TMTC2: variants seen among roughly 807,000 people sequenced by gnomAD.
The protein encoded by TMTC2 is transmembrane O-mannosyltransferase targeting cadherins 2.
A neutral mutation model predicts 82.4 loss-of-function variants in TMTC2; 43 were observed. The ratio of observed to expected loss-of-function variants is 0.52; its 90% CI spans 0.41 to 0.67. The LOEUF (loss-of-function observed/expected upper bound fraction) is 0.67. Ranked by LOEUF, TMTC2 falls within the 30% of genes least tolerant of loss-of-function variation. The probability of loss-of-function intolerance (pLI) is 0.00; values close to 1 mark genes in which losing one functional copy is unlikely to be tolerated. For synonymous variants in TMTC2, 408 were observed against 381.9 expected, an observed-to-expected ratio of 1.07 and a Z score of -0.80; for missense variants, 919 against 1,012.4, an observed-to-expected ratio of 0.91 and a Z score of 1.25.
At chr12:82,997,251 A>G (rs116737889) in intron 8 of TMTC2, among the ~76,000 whole-genome samples, 2,881 of 128,382 alleles carry the variant, frequency 0.022, 148 homozygotes, top group African/African-American at 0.083. Flanking sequence ...GTATAGTTAT[A>G]TACGTCTATA....
chr12:82,981,762 A>G (rs1324059490), intron 7 of TMTC2, among the ~76,000 whole-genome samples: 2 of 151,686 alleles, frequency 1.3e-5, no homozygotes, highest in Non-Finnish European at 1.5e-5. Flanking sequence ...TCCTTATTGA[A>G]TTTATTGAAC....
chr12:83,061,740 T>C lies in TMTC2; in HGVS notation c.2268-28T>C, dbSNP rs776921749. 21 of 1,545,246 alleles carry C rather than the reference T, an allele frequency of 1.4e-5. No individual in the cohort carries two copies. The South Asian group carries it at 2.1e-4, about 16-fold the overall frequency. Reference sequence around the variant, plus strand: ...ATTTGTAATTCTAAAATATATGATATAGTTTTATTTTATTTTTTCTTTTAC... The same window carrying C: ...ATTTGTAATTCTAAAATATATGATACAGTTTTATTTTATTTTTTCTTTTAC... On this transcript the variant is annotated intron_variant, in intron 10 of 11. Coordinates refer to ENST00000321196, the MANE Select transcript of TMTC2 (RefSeq NM_152588.3).
At chr12:82,959,484 C>A (rs1011242295) in intron 4 of TMTC2, among the ~76,000 whole-genome samples, 1 of 152,098 alleles carries the variant, frequency 6.6e-6, no homozygotes, top group African/African-American at 2.4e-5. Context: ...ACACATAGAC[C>A]AGTGGAACAG....
At chr12:82,726,354 C>T (rs1347168313) in intron 1 of TMTC2, among the ~76,000 whole-genome samples, 1 of 152,132 alleles carries the variant, frequency 6.6e-6, no homozygotes, top group Non-Finnish European at 1.5e-5. Flanking sequence ...AGCATACCTA[C>T]CAGATGATAA....
At chr12:83,090,789 A>G (rs1883821244) in intron 11 of TMTC2, among the ~76,000 whole-genome samples, 1 of 152,152 alleles carries the variant, frequency 6.6e-6, no homozygotes, top group African/African-American at 2.4e-5. Flanking sequence ...ACTCTCCTGA[A>G]TTAAGTTCAC....
chr12:82,759,427 C>A (rs1876495482), intron 1 of TMTC2: 1 of 152,120 alleles, frequency 6.6e-6, no homozygotes, highest in African/African-American at 2.4e-5. Flanking sequence ...AAATTTTGAA[C>A]AGTTTATTTT....
intron 11 of TMTC2, among the ~76,000 whole-genome samples, chr12:83,130,563 A>G (rs1885229378): frequency 6.6e-6 from 1 of 152,236 alleles, no homozygotes; most frequent in Non-Finnish European, 1.5e-5. Context: ...AGGTTTAAAA[A>G]TAATGCCCAG....
intron 1 of TMTC2, among the ~76,000 whole-genome samples, chr12:82,802,779 G>A (rs75988497): frequency 0.056 from 8,560 of 152,146 alleles, 306 homozygotes; most frequent in Middle Eastern, 0.14. Flanking sequence ...ATGATAGCAC[G>A]CTAAGGGGTT....
intron 1 of TMTC2, among the ~76,000 whole-genome samples, chr12:82,707,773 A>G (rs1873432473): frequency 6.6e-6 from 1 of 152,220 alleles, no homozygotes; most frequent in South Asian, 2.1e-4. Context: ...AGGAAGGGCA[A>G]GGTATTCTTG....
chr12:82,891,903 G>A (rs1001728751), intron 2 of TMTC2, among the ~76,000 whole-genome samples: 1 of 151,980 alleles, frequency 6.6e-6, no homozygotes, highest in Admixed American at 6.6e-5. Context: ...GGGTAACATG[G>A]CAAAACACCA....
chr12:82,756,135 A>C (rs2136973176), intron 1 of TMTC2, among the ~76,000 whole-genome samples: 1 of 152,172 alleles, frequency 6.6e-6, no homozygotes, highest in African/African-American at 2.4e-5. Flanking sequence ...TTATCTCCTT[A>C]GTTTTTATTT....
chr12:82,966,990 C>T lies in TMTC2; in HGVS notation c.1941C>T (p.Asn647=), dbSNP rs1331562801. The T allele has an allele frequency of 1.2e-6, 2 of 1,612,144 alleles. No homozygotes were observed. Among genetic ancestry groups the T allele is most frequent in the African/African-American group, 2.7e-5 (2 of 74,962 alleles). Residue 647 remains asparagine, a synonymous_variant, in exon 7 of 12, where the codon AAC becomes AAT. Coordinates refer to ENST00000321196, the MANE Select transcript of TMTC2 (RefSeq NM_152588.3). The part of the protein sequence containing the change: ...PRQFAPQSLY[N]MMGEAYMRLS... ...AGTTTGCCCCACAGAGCTTGTACAA[C>T]ATGATGGGTAAGTAAAACATTAACA...
chr12:82,731,309 G>A (rs189403821), intron 1 of TMTC2, among the ~76,000 whole-genome samples: 175 of 152,312 alleles, frequency 1.1e-3, no homozygotes, highest in Non-Finnish European at 1.9e-3. Context: ...TTGCCAACGT[G>A]GGGCTCCAGA....
chr12:83,028,497 A>G (rs184446627), intron 8 of TMTC2, among the ~76,000 whole-genome samples: 2 of 152,246 alleles, frequency 1.3e-5, no homozygotes, highest in East Asian at 1.9e-4. Flanking sequence ...TCTATAGTTT[A>G]TATTGCAGTT....
At chr12:83,015,857 T>A (rs910765254) in intron 8 of TMTC2, among the ~76,000 whole-genome samples, 3 of 152,216 alleles carry the variant, frequency 2.0e-5, no homozygotes, top group Admixed American at 6.5e-5. Context: ...ACATACAGAC[T>A]TGTTCTGCTG....
chr12:83,059,964 C>T (rs1256323721), intron 10 of TMTC2, among the ~76,000 whole-genome samples: 1 of 151,684 alleles, frequency 6.6e-6, no homozygotes. Context: ...GAAAACCTTT[C>T]CAGGGCATGA....
chr12:82,907,124 G>GT (rs1874357680), intron 3 of TMTC2, among the ~76,000 whole-genome samples: 3 of 152,206 alleles, frequency 2.0e-5, no homozygotes, highest in South Asian at 4.1e-4. Flanking sequence ...AAGTATGGTT[G>GT]TTTTCCATTT....
At chr12:83,045,727 G>GCGCA (rs1822277751) in intron 9 of TMTC2, among the ~76,000 whole-genome samples, 37 of 142,538 alleles carry the variant, frequency 2.6e-4, no homozygotes, top group South Asian at 6.8e-4. Flanking sequence ...ACACACACAC[G>GCGCA]CACACACACA....
intron 1 of TMTC2, among the ~76,000 whole-genome samples, chr12:82,735,917 G>A (rs1875097629): frequency 6.6e-6 from 1 of 152,076 alleles, no homozygotes; most frequent in South Asian, 2.1e-4. Flanking sequence ...AGGTTGCAGT[G>A]AGCCAAGTTC....
Sources: gnomAD v4.1 joint callset for allele counts (sites outside exome capture counted in the v4.1 genomes callset) on GRCh38, gnomAD v4.1.1 for gene constraint, MANE v1.5 for transcripts, NCBI Gene and HGNC (gene_info 2026-07-23, HGNC 2026-07-21) for gene names.